Variants in TRABD2B observed in about 807,000 individuals in gnomAD.
The protein encoded by TRABD2B is TraB domain containing 2B, also known as metalloprotease TIKI2.
A neutral mutation model predicts 40.1 loss-of-function variants in TRABD2B; 14 were observed. That is an observed-to-expected ratio of 0.35 (90% CI 0.23 to 0.55). TRABD2B has a LOEUF of 0.55. Ranked by LOEUF, TRABD2B falls within the 20% of genes least tolerant of loss-of-function variation. The pLI, the probability that TRABD2B is intolerant of heterozygous loss-of-function variation, is 0.90. For synonymous variants in TRABD2B, 263 were observed against 277.0 expected, an observed-to-expected ratio of 0.95 and a Z score of 0.50; for missense variants, 541 against 648.6, an observed-to-expected ratio of 0.83 and a Z score of 1.80.
intron 2 of TRABD2B, among the ~76,000 whole-genome samples, chr1:47,896,840 T>G (rs1056396596): frequency 6.6e-6 from 1 of 152,162 alleles, no homozygotes; most frequent in Non-Finnish European, 1.5e-5. Context: ...CTAAAAGATG[T>G]GTTATGAGGA....
chr1:47,909,762 C>CTCCTT (rs1644732781), intron 2 of TRABD2B, among the ~76,000 whole-genome samples: 3 of 10,370 alleles, frequency 2.9e-4, no homozygotes, highest in Non-Finnish European at 4.1e-4. Flanking sequence ...CTCTCCCTCC[C>CTCCTT]TCCCTTCCCC....
At chr1:47,783,636 A>C (rs1644555860) in intron 4 of TRABD2B, among the ~76,000 whole-genome samples, 1 of 152,214 alleles carries the variant, frequency 6.6e-6, no homozygotes, top group African/African-American at 2.4e-5. Context: ...TTATATACAA[A>C]CAGGAAGAGG....
chr1:47,900,640 C>A lies in TRABD2B; in HGVS notation c.666+93394G>T, dbSNP rs1021171563. On this transcript the variant is annotated intron_variant, in intron 2 of 6. Coordinates refer to ENST00000606738, the MANE Select transcript of TRABD2B (RefSeq NM_001194986.2). ...AGCACTGTTATCTCTGATGGCCAAA[C>A]CTGTTCAAAATTTCTATGTTTGCTA... Among the ~76,000 whole-genome samples the A allele has an allele frequency of 4.6e-5, 7 of 152,126 alleles. 1 individual carries two copies. Among genetic ancestry groups the A allele is most frequent in the Admixed American group, 4.6e-4 (7 of 15,278 alleles).
At chr1:47,786,376 G>A (rs969400148) in intron 4 of TRABD2B, among the ~76,000 whole-genome samples, 1 of 152,204 alleles carries the variant, frequency 6.6e-6, no homozygotes, top group Non-Finnish European at 1.5e-5. Flanking sequence ...ATCTGTCCTG[G>A]GGTGTGGGCA....
intron 2 of TRABD2B, among the ~76,000 whole-genome samples, chr1:47,985,234 T>C (rs1410495764): frequency 6.6e-6 from 1 of 152,242 alleles, no homozygotes; most frequent in Non-Finnish European, 1.5e-5. Flanking sequence ...AGTTTTCCAG[T>C]GGAGGGGACT....
At chr1:47,985,237 A>T (rs1269598847) in intron 2 of TRABD2B, among the ~76,000 whole-genome samples, 2 of 152,232 alleles carry the variant, frequency 1.3e-5, no homozygotes, top group East Asian at 3.8e-4. Context: ...TTTCCAGTGG[A>T]GGGGACTCCT....
intron 2 of TRABD2B, among the ~76,000 whole-genome samples, chr1:47,846,748 G>A (rs1405676761): frequency 6.6e-6 from 1 of 152,108 alleles, no homozygotes; most frequent in East Asian, 1.9e-4. Context: ...TTGGAACATG[G>A]ACAATGGGTG....
At chr1:47,939,601 A>T (rs1235476840) in intron 2 of TRABD2B, among the ~76,000 whole-genome samples, 1 of 152,158 alleles carries the variant, frequency 6.6e-6, no homozygotes, top group African/African-American at 2.4e-5. Context: ...GGGAGCTTGA[A>T]GAGGTGGAGT....
chr1:47,974,102 C>A (rs1371437260), intron 2 of TRABD2B, among the ~76,000 whole-genome samples: 1 of 152,148 alleles, frequency 6.6e-6, no homozygotes, highest in Non-Finnish European at 1.5e-5. Context: ...GAGTAAGATT[C>A]TGTCTGCATC....
At chr1:47,946,590 G>A (rs1045091981) in intron 2 of TRABD2B, among the ~76,000 whole-genome samples, 2 of 152,196 alleles carry the variant, frequency 1.3e-5, no homozygotes, top group Non-Finnish European at 1.5e-5. Context: ...TAATTCCTGG[G>A]TCATATTGTA....
intron 2 of TRABD2B, among the ~76,000 whole-genome samples, chr1:47,897,160 A>T (rs552261666): frequency 9.2e-5 from 14 of 152,328 alleles, no homozygotes; most frequent in Non-Finnish European, 1.9e-4. Flanking sequence ...CTGAAGTTTT[A>T]AATGGAGCAG....
chr1:47,945,682 T>C (rs1645251270), intron 2 of TRABD2B, among the ~76,000 whole-genome samples: 1 of 152,234 alleles, frequency 6.6e-6, no homozygotes, highest in Non-Finnish European at 1.5e-5. Context: ...GTCTGACTTC[T>C]TTTCATTCAG....
At chr1:47,778,148 A>G (rs572432829) in intron 5 of TRABD2B, among the ~76,000 whole-genome samples, 18 of 152,254 alleles carry the variant, frequency 1.2e-4, no homozygotes, top group Middle Eastern at 6.8e-3. Context: ...CAGTCTTCCA[A>G]GCAGCACCCA....
At chr1:47,769,678 G>C (rs956245887) in intron 6 of TRABD2B, among the ~76,000 whole-genome samples, 2 of 152,230 alleles carry the variant, frequency 1.3e-5, no homozygotes, top group African/African-American at 4.8e-5. Context: ...ACCAAACACT[G>C]CAAGTGTTCC....
intron 2 of TRABD2B, among the ~76,000 whole-genome samples, chr1:47,972,067 T>C (rs1228897575): frequency 6.6e-6 from 1 of 152,196 alleles, no homozygotes; most frequent in Non-Finnish European, 1.5e-5. Context: ...TAACTGAGAC[T>C]TTCTGGCAAA....
chr1:47,807,384 A>C (rs1190105977), intron 2 of TRABD2B, among the ~76,000 whole-genome samples: 1 of 152,238 alleles, frequency 6.6e-6, no homozygotes, highest in African/African-American at 2.4e-5. Flanking sequence ...GTCAATGGAA[A>C]ACCACAACAA....
intron 2 of TRABD2B, among the ~76,000 whole-genome samples, chr1:47,851,149 G>A (rs1645545108): frequency 6.6e-6 from 1 of 152,112 alleles, no homozygotes; most frequent in African/African-American, 2.4e-5. Context: ...GAGAAGGAGG[G>A]CAGAGTCTGG....
intron 4 of TRABD2B, among the ~76,000 whole-genome samples, chr1:47,788,210 C>T (rs1557567172): frequency 6.6e-6 from 1 of 152,066 alleles, no homozygotes; most frequent in Non-Finnish European, 1.5e-5. Flanking sequence ...AGGATGGTGT[C>T]CACTCTCTAG....
At chr1:47,790,181 G>T (rs1336901287) in intron 4 of TRABD2B, among the ~76,000 whole-genome samples, 5 of 152,146 alleles carry the variant, frequency 3.3e-5, no homozygotes, top group Admixed American at 3.3e-4. Flanking sequence ...TCTGTTAATT[G>T]TACCAGAGGA....
Sources: gnomAD v4.1 joint callset for allele counts (sites outside exome capture counted in the v4.1 genomes callset) on GRCh38, gnomAD v4.1.1 for gene constraint, MANE v1.5 for transcripts, NCBI Gene and HGNC (gene_info 2026-07-23, HGNC 2026-07-21) for gene names.